The following CPNE4 variants were observed in gnomAD, a reference collection of about 807,000 sequenced individuals.
CPNE4 encodes the protein copine-4.
CPNE4 carries 25 observed loss-of-function variants against 67.9 expected under a neutral mutation model. The ratio of observed to expected loss-of-function variants is 0.37; its 90% CI spans 0.27 to 0.51. CPNE4 has a LOEUF of 0.51. CPNE4 is among the 20% of genes least tolerant of loss of function. CPNE4 has a pLI of 0.93. For missense variants in CPNE4, 464 were observed against 690.8 expected (o/e 0.67, Z 3.68); for synonymous variants, 242 against 244.9 (o/e 0.99, Z 0.11).
intron 14 of CPNE4, among the ~76,000 whole-genome samples, chr3:131,543,634 G>C (rs1255482583): frequency 6.6e-6 from 1 of 151,924 alleles, no homozygotes; most frequent in Non-Finnish European, 1.5e-5. Context: ...TGGCTATGTT[G>C]GTTTAAATAA....
At chr3:131,929,375 A>G (rs1199258300) in intron 1 of CPNE4, among the ~76,000 whole-genome samples, 1 of 152,132 alleles carries the variant, frequency 6.6e-6, no homozygotes, top group Non-Finnish European at 1.5e-5. Context: ...CAGGATTTGA[A>G]TGATCTTTGG....
chr3:132,013,050 C>G (rs866741909), intron 1 of CPNE4, among the ~76,000 whole-genome samples: 1 of 152,048 alleles, frequency 6.6e-6, no homozygotes, highest in African/African-American at 2.4e-5. Context: ...TGGTGAAACC[C>G]CATCTCTACT....
intron 2 of CPNE4, among the ~76,000 whole-genome samples, chr3:131,784,347 A>T (rs2083499236): frequency 2.0e-5 from 3 of 152,104 alleles, no homozygotes; most frequent in Admixed American, 1.3e-4. Flanking sequence ...CTGGTACCTA[A>T]TATAAAATAG....
intron 7 of CPNE4, among the ~76,000 whole-genome samples, chr3:131,595,725 A>G (rs1012758172): frequency 1.3e-5 from 2 of 152,224 alleles, no homozygotes; most frequent in Non-Finnish European, 2.9e-5. Context: ...GCACCAAGCT[A>G]TTCAGGAAGA....
chr3:131,716,215 C>T (rs1468774070), intron 3 of CPNE4, among the ~76,000 whole-genome samples: 2 of 150,758 alleles, frequency 1.3e-5, no homozygotes, highest in African/African-American at 2.4e-5. Context: ...CAAACTCAGC[C>T]AGACAGAGCG....
At chr3:131,836,092 T>A (rs1223713628) in intron 2 of CPNE4, among the ~76,000 whole-genome samples, 1 of 152,196 alleles carries the variant, frequency 6.6e-6, no homozygotes, top group East Asian at 1.9e-4. Context: ...AATATCACAC[T>A]GGTTTCAGGT....
intron 1 of CPNE4, among the ~76,000 whole-genome samples, chr3:132,004,867 A>C (rs4854867): frequency 0.78 from 118,695 of 151,916 alleles, 47,349 homozygotes; most frequent in South Asian, 0.89. Flanking sequence ...CATTACCTCA[A>C]ATCCTTTCTA....
chr3:131,866,199 C>T (rs894826498), intron 2 of CPNE4, among the ~76,000 whole-genome samples: 4 of 151,994 alleles, frequency 2.6e-5, no homozygotes, highest in Admixed American at 1.3e-4. Context: ...TAGTTATAAT[C>T]TGATCAGTTA....
intron 2 of CPNE4, among the ~76,000 whole-genome samples, chr3:131,881,407 G>C (rs1461521253): frequency 6.6e-6 from 1 of 151,906 alleles, no homozygotes; most frequent in Non-Finnish European, 1.5e-5. Flanking sequence ...CTCAAATTCT[G>C]TAAGTTCTTT....
chr3:131,684,429 A>G (rs959069627), intron 6 of CPNE4, among the ~76,000 whole-genome samples: 4 of 152,230 alleles, frequency 2.6e-5, no homozygotes, highest in Admixed American at 2.6e-4. Flanking sequence ...TAGACATACT[A>G]TTTATATTTA....
chr3:131,673,006 G>T (rs1195624013), intron 6 of CPNE4, among the ~76,000 whole-genome samples: 1 of 151,988 alleles, frequency 6.6e-6, no homozygotes, highest in African/African-American at 2.4e-5. Flanking sequence ...ATTTTGATTT[G>T]ATTTTTGTAT....
intron 2 of CPNE4, among the ~76,000 whole-genome samples, chr3:131,802,534 T>A (rs1007687102): frequency 2.6e-5 from 4 of 152,174 alleles, no homozygotes; most frequent in African/African-American, 9.7e-5. Flanking sequence ...AGTCAGCAGA[T>A]GCTGGCTATA....
At chr3:131,695,363 T>A (rs1216344943) in intron 5 of CPNE4, among the ~76,000 whole-genome samples, 2 of 152,310 alleles carry the variant, frequency 1.3e-5, no homozygotes, top group East Asian at 3.8e-4. Context: ...AGTGTTCATT[T>A]GACTAAAGGG....
At chr3:131,730,141 T>C (rs2082095155) in intron 2 of CPNE4, among the ~76,000 whole-genome samples, 1 of 152,238 alleles carries the variant, frequency 6.6e-6, no homozygotes, top group Non-Finnish European at 1.5e-5. Flanking sequence ...TGATATACCA[T>C]TGTTTAATTG....
At chr3:131,879,047 G>A (rs77460854) in intron 2 of CPNE4, among the ~76,000 whole-genome samples, 111 of 152,274 alleles carry the variant, frequency 7.3e-4, no homozygotes, top group Middle Eastern at 3.4e-3. Context: ...CATTGATATC[G>A]TGCGTCTGTT....
chr3:131,901,369 C>T (rs911199365), intron 2 of CPNE4, among the ~76,000 whole-genome samples: 1 of 151,920 alleles, frequency 6.6e-6, no homozygotes, highest in African/African-American at 2.4e-5. Flanking sequence ...CATTACATAG[C>T]CAGGAGTTGA....
At chr3:132,009,297 C>T (rs1464118317) in intron 1 of CPNE4, among the ~76,000 whole-genome samples, 1 of 152,196 alleles carries the variant, frequency 6.6e-6, no homozygotes, top group African/African-American at 2.4e-5. Flanking sequence ...CCCTGAGGAA[C>T]CTCTGCTCCT....
chr3:131,989,209 T>C (rs11712162), intron 1 of CPNE4, among the ~76,000 whole-genome samples: 70,129 of 152,046 alleles, frequency 0.46, 16,978 homozygotes, highest in South Asian at 0.55. Flanking sequence ...GGATGCATTA[T>C]TGCATTATTA....
intron 1 of CPNE4, among the ~76,000 whole-genome samples, chr3:132,030,684 C>T (rs1307660045): frequency 2.0e-5 from 3 of 152,156 alleles, no homozygotes; most frequent in Non-Finnish European, 4.4e-5. Context: ...TAAAGGACTT[C>T]CCAGGATGTG....
Sources: gnomAD v4.1 joint callset for allele counts (sites outside exome capture counted in the v4.1 genomes callset) on GRCh38, gnomAD v4.1.1 for gene constraint, MANE v1.5 for transcripts, NCBI Gene and HGNC (gene_info 2026-07-23, HGNC 2026-07-21) for gene names.